The following PEAK1 variants were observed in gnomAD, a reference collection of about 807,000 sequenced individuals.
PEAK1 encodes inactive tyrosine-protein kinase PEAK1.
A neutral mutation model predicts 124.7 loss-of-function variants in PEAK1; 54 were observed. The ratio of observed to expected loss-of-function variants is 0.43; its 90% CI spans 0.35 to 0.54. PEAK1 has a LOEUF of 0.54. PEAK1 is among the 20% of genes least tolerant of loss of function. The probability of loss-of-function intolerance (pLI) is 0.01; values close to 1 mark genes in which losing one functional copy is unlikely to be tolerated. For synonymous variants in PEAK1, 719 were observed against 760.0 expected (o/e 0.95, Z 0.89); for missense variants, 2,046 against 2,134.5 (o/e 0.96, Z 0.82).
chr15:77,243,204 T>C (rs1284141160), intron 6 of PEAK1, among the ~76,000 whole-genome samples: 2 of 152,190 alleles, frequency 1.3e-5, no homozygotes, highest in Non-Finnish European at 2.9e-5. Context: ...CTTGCAAATA[T>C]TAAGCAAATA....
chr15:77,350,948 TTAA>T (rs2067171729), intron 2 of PEAK1: 2 of 985,130 alleles, frequency 2.0e-6, no homozygotes, highest in African/African-American at 3.5e-5. Flanking sequence ...AAGCACTCCA[TTAA>T]TTACACTCTT....
At chr15:77,197,292 A>T (rs543603726) in intron 6 of PEAK1, among the ~76,000 whole-genome samples, 1 of 152,348 alleles carries the variant, frequency 6.6e-6, no homozygotes, top group Admixed American at 6.5e-5. Context: ...CAAAATTTGT[A>T]GTTACCAGAA....
intron 1 of PEAK1, among the ~76,000 whole-genome samples, chr15:77,413,681 A>G (rs1164858985): frequency 4.6e-5 from 7 of 152,376 alleles, no homozygotes; most frequent in Middle Eastern, 3.4e-3. Context: ...AAAGAATACT[A>G]GAAAAACTGG....
intron 6 of PEAK1, among the ~76,000 whole-genome samples, chr15:77,195,620 T>C (rs932126089): frequency 1.6e-4 from 25 of 152,216 alleles, no homozygotes; most frequent in African/African-American, 5.3e-4. Context: ...TAACCTTAGA[T>C]GCATGCTGAA....
intron 5 of PEAK1, among the ~76,000 whole-genome samples, chr15:77,259,328 T>A (rs1263078702): frequency 6.6e-6 from 1 of 152,172 alleles, no homozygotes; most frequent in African/African-American, 2.4e-5. Flanking sequence ...AAAATTAGTA[T>A]CTCATAATAG....
chr15:77,417,301 T>G, intron 1 of PEAK1: 2 of 953,040 alleles, frequency 2.1e-6, no homozygotes, highest in Non-Finnish European at 1.2e-6. Flanking sequence ...TACTCAAACA[T>G]TTGTCAAACA....
At chr15:77,198,807 T>C (rs1276460601) in intron 6 of PEAK1, among the ~76,000 whole-genome samples, 1 of 152,174 alleles carries the variant, frequency 6.6e-6, no homozygotes, top group African/African-American at 2.4e-5. Flanking sequence ...GAAAAAGATT[T>C]GGCTTAAAAA....
At chr15:77,217,228 A>G (rs2059189137) in intron 6 of PEAK1, among the ~76,000 whole-genome samples, 1 of 150,716 alleles carries the variant, frequency 6.6e-6, no homozygotes, top group African/African-American at 2.4e-5. Flanking sequence ...GTCTCAAAAA[A>G]AAAAAAAAAA....
chr15:77,399,984 C>G (rs139760922), intron 1 of PEAK1, among the ~76,000 whole-genome samples: 2 of 152,236 alleles, frequency 1.3e-5, no homozygotes, highest in East Asian at 3.9e-4. Context: ...ATCTAATAAT[C>G]TGATTTTAAA....
At chr15:77,324,386 C>A (rs764537917) in intron 2 of PEAK1, among the ~76,000 whole-genome samples, 11 of 152,122 alleles carry the variant, frequency 7.2e-5, no homozygotes, top group Non-Finnish European at 1.2e-4. Context: ...GAGGCTAAGG[C>A]ACGAGAATCA....
chr15:77,419,041 G>A (rs546832528), intron 1 of PEAK1: 1 of 985,334 alleles, frequency 1.0e-6, no homozygotes, highest in South Asian at 4.7e-5. Context: ...GTTTTCTATA[G>A]CAAGGCCAAT....
chr15:77,300,920 C>T (rs1314037585), intron 2 of PEAK1, among the ~76,000 whole-genome samples: 1 of 152,034 alleles, frequency 6.6e-6, no homozygotes, highest in African/African-American at 2.4e-5. Flanking sequence ...GGTGCAAGCT[C>T]GGCTCACTGC....
intron 2 of PEAK1, among the ~76,000 whole-genome samples, chr15:77,327,805 C>T (rs1384547931): frequency 1.3e-5 from 2 of 151,310 alleles, no homozygotes; most frequent in African/African-American, 4.9e-5. Flanking sequence ...AACGTTATTG[C>T]AATATCCAAA....
At chr15:77,259,983 C>T (rs962003570) in intron 5 of PEAK1, among the ~76,000 whole-genome samples, 6 of 152,084 alleles carry the variant, frequency 3.9e-5, no homozygotes, top group African/African-American at 1.4e-4. Flanking sequence ...TAGATAAAAA[C>T]GTTACATTAA....
intron 1 of PEAK1, chr15:77,381,409 T>C (rs984132753): frequency 1.1e-5 from 10 of 890,884 alleles, no homozygotes; most frequent in South Asian, 1.0e-4. Flanking sequence ...TTGGGCAACA[T>C]AGTGAGACCC....
exon 7 of PEAK1, chr15:77,102,319 T>C (rs747679363): frequency 2.6e-5 from 4 of 152,236 alleles, no homozygotes; most frequent in Non-Finnish European, 5.9e-5. Flanking sequence ...ATGTCTGTTA[T>C]ATGTGTTGAA....
intron 1 of PEAK1, among the ~76,000 whole-genome samples, chr15:77,408,082 C>T (rs62007280): frequency 6.9e-6 from 1 of 145,832 alleles, no homozygotes; most frequent in African/African-American, 2.5e-5. Context: ...TACATATATA[C>T]ACATATATAC....
intron 5 of PEAK1, among the ~76,000 whole-genome samples, chr15:77,270,255 C>T (rs2061960462): frequency 6.6e-6 from 1 of 152,104 alleles, no homozygotes; most frequent in Non-Finnish European, 1.5e-5. Context: ...TCCTATTCAA[C>T]ACAGTGTTGG....
chr15:77,141,180 A>G (rs2053757221), intron 8 of PEAK1, among the ~76,000 whole-genome samples: 2 of 152,244 alleles, frequency 1.3e-5, no homozygotes, highest in African/African-American at 4.8e-5. Flanking sequence ...TAGAATGAAT[A>G]TACCAGTTCA....
Sources: allele counts gnomAD v4.1 joint callset (sites outside exome capture counted in the v4.1 genomes callset), GRCh38; gene constraint gnomAD v4.1.1; transcripts MANE v1.5; gene names NCBI Gene and HGNC (gene_info 2026-07-23, HGNC 2026-07-21).